Variants in FADS6 observed in about 807,000 individuals in gnomAD.
The protein encoded by FADS6 is fatty acid desaturase domain family, member 6.
FADS6 carries 28 observed loss-of-function variants against 31.7 expected under a neutral mutation model. The observed-to-expected ratio is 0.88, with a 90% CI of 0.66 to 1.21. The LOEUF is 1.21. FADS6 is among the 50% of genes most tolerant of loss of function. The pLI is 0.00. For missense variants in FADS6, 494 were observed against 504.2 expected, an observed-to-expected ratio of 0.98 and a Z score of 0.19; for synonymous variants, 191 against 213.1, an observed-to-expected ratio of 0.90 and a Z score of 0.90.
rs768301326 is a variant in FADS6 at position 74,882,505 on chromosome 17, C to T, written c.592+25G>A. ...GGAACTAGGTCCATGCAGGACACTG[C>T]GGACCGGGCTCTCATGGCACTCACC... On this transcript the variant is annotated intron_variant, in intron 3 of 5. Transcript: ENST00000612771. The T allele has an allele frequency of 6.3e-6, 10 of 1,591,230 alleles. No individual in the cohort carries two copies. The Admixed American group carries it at 6.9e-5, about 11-fold the overall frequency.
chr17:74,893,623 C>G lies in FADS6; in HGVS notation c.-28G>C. 1 of 1,294,030 alleles carries G rather than the reference C, an allele frequency of 7.7e-7. No homozygotes were observed. 80.2% of individuals were successfully genotyped at this position (1,294,030 alleles called of 1,614,324 possible). A position where few individuals can be genotyped will look rare whatever the true frequency, so the allele number is the denominator to read the frequency against. On this transcript the variant is annotated 5_prime_UTR_variant, in exon 1 of 6. Transcript: ENST00000612771. ...ACTCTGTGGGCTCGGGCCCGACGCG[C>G]ACGGAGGACTGGAGGACTGGGGCGT...
downstream of FADS6, among the ~76,000 whole-genome samples, chr17:74,874,989 A>G (rs1048650126): frequency 2.0e-5 from 3 of 152,098 alleles, no homozygotes; most frequent in African/African-American, 7.2e-5. Context: ...GAGGATGGGG[A>G]CCCAGTCTCA....
chr17:74,878,779 A>G (rs779162849), intron 5 of FADS6, among the ~76,000 whole-genome samples: 1 of 152,126 alleles, frequency 6.6e-6, no homozygotes, highest in Non-Finnish European at 1.5e-5. Context: ...AACATTTCAG[A>G]TATATTTCTC....
chr17:74,879,380 G>T (rs148361272), intron 5 of FADS6, 24 bp downstream of exon 5: 1 of 1,607,896 alleles, frequency 6.2e-7, no homozygotes, highest in East Asian at 2.2e-5. Context: ...TTATTCCAGC[G>T]CCCCCAGCCC....
chr17:74,877,956 TG>T lies in FADS6; in HGVS notation c.*374del. ...CTGACCCTGTTCTCTCTGTGCCCCC[TG>T]CTATCTCCCAGGTGGCCCCTGCACA... is the stretch of plus-strand genomic sequence containing the variant. On this transcript the variant is annotated 3_prime_UTR_variant, in exon 6 of 6. Transcript: ENST00000612771. 9.9e-7 allele frequency: 1 copy of T among 1,008,252 alleles called. No homozygotes were observed. Among genetic ancestry groups the T allele is most frequent in the Non-Finnish European group, 1.2e-6 (1 of 845,280 alleles). 62.5% of individuals were successfully genotyped at this position (1,008,252 alleles called of 1,614,324 possible).
rs992707630 is a variant in FADS6 at position 74,877,576 on chromosome 17, A to C, written c.*755T>G. On this transcript the variant is annotated 3_prime_UTR_variant, in exon 6 of 6. Coordinates refer to ENST00000612771, the MANE Select transcript of FADS6 (RefSeq NM_178128.6). ...TCTCGAGCTCCTGATCTCGCGATCCACCCGCCTTGGCCTCCCAAAGTGCTG... is the reference window on the plus strand; with the variant it reads ...TCTCGAGCTCCTGATCTCGCGATCCCCCCGCCTTGGCCTCCCAAAGTGCTG... 12 of 549,414 alleles carry C rather than the reference A, an allele frequency of 2.2e-5. No individual in the cohort carries two copies. The highest frequency in any genetic ancestry group is 2.8e-5 in the Non-Finnish European group (12 of 432,576). 34.0% of individuals were successfully genotyped at this position (549,414 alleles called of 1,614,324 possible). A position where few individuals can be genotyped will look rare whatever the true frequency, so the allele number is the denominator to read the frequency against.
rs111322037 is a variant in FADS6, at chr17:74,881,438, C to T, written c.593-183G>A. Among the ~76,000 whole-genome samples, 665 of 152,326 alleles carry T rather than the reference C, an allele frequency of 4.4e-3. 12 individuals are homozygous for T. The highest frequency in any genetic ancestry group is 5.8e-3 in the Non-Finnish European group (395 of 68,014). ...AGAGGCCAGGCTCGATGGCTCAAGCCTATAAACCCAGCACTTTGGGAGGCC... is the reference window on the plus strand; with the variant it reads ...AGAGGCCAGGCTCGATGGCTCAAGCTTATAAACCCAGCACTTTGGGAGGCC... On this transcript the variant is annotated intron_variant, in intron 3 of 5. Coordinates refer to ENST00000612771, the MANE Select transcript of FADS6 (RefSeq NM_178128.6).
chr17:74,880,937 G>T, intron 4 of FADS6, 131 bp downstream of exon 4: 1 of 944,170 alleles, frequency 1.1e-6, no homozygotes, highest in East Asian at 2.7e-5. Context: ...ACAGTGTGAT[G>T]AGAGCGAGAG....
At chr17:74,885,743 C>T (rs1379809588) in intron 2 of FADS6, among the ~76,000 whole-genome samples, 1 of 152,188 alleles carries the variant, frequency 6.6e-6, no homozygotes, top group African/African-American at 2.4e-5. Context: ...CCAACACCTT[C>T]GTCCCATCTT....
At chr17:74,888,126 C>CCA (rs1165268903) in intron 2 of FADS6, among the ~76,000 whole-genome samples, 12,093 of 127,928 alleles carry the variant, frequency 0.095, 669 homozygotes, top group Non-Finnish European at 0.13. Context: ...AGCTGAGACA[C>CCA]CACACACACA....
chr17:74,877,857 G>C lies in FADS6; in HGVS notation c.*474C>G. 1 of 987,240 alleles carries C rather than the reference G, an allele frequency of 1.0e-6. No homozygotes were observed. Among genetic ancestry groups the C allele is most frequent in the Non-Finnish European group, 1.2e-6 (1 of 831,256 alleles). The allele number at this position is 987,240 out of a possible 1,614,324, so 61.2% of individuals were successfully genotyped here. On this transcript the variant is annotated 3_prime_UTR_variant, in exon 6 of 6. Coordinates refer to ENST00000612771, the MANE Select transcript of FADS6 (RefSeq NM_178128.6). ...CCCCGGGGAGAGGGCACCTTGGTGGGCAGAGCCTGAAGGAAGCAATAGCCA... is the reference window on the plus strand; with the variant it reads ...CCCCGGGGAGAGGGCACCTTGGTGGCCAGAGCCTGAAGGAAGCAATAGCCA...
intron 5 of FADS6, 23 bp from the exon 6 acceptor site, chr17:74,878,500 G>C: frequency 6.2e-7 from 1 of 1,612,348 alleles, no homozygotes; most frequent in South Asian, 1.1e-5. Flanking sequence ...GGGCAGGAGA[G>C]GGCCTATGAG....
In FADS6 at chr17:74,878,318, C is replaced by G. The variant is rs568829745; in HGVS notation, c.*13G>C. 5.6e-6 allele frequency: 9 copies of G among 1,608,286 alleles called. No homozygotes were observed. In the South Asian group the frequency reaches 1.0e-4, roughly 18 times the overall value. On this transcript the variant is annotated 3_prime_UTR_variant, in exon 6 of 6. Transcript: ENST00000612771. ...CCAGGGAGGGGCAGGGTGGCTGCAC[C>G]GGCCCGGCCTCATTACAGCCCCACA...
chr17:74,878,504 C>T lies in FADS6; in HGVS notation c.961-27G>A, dbSNP rs780879872. 1.1e-5 allele frequency: 17 copies of T among 1,611,530 alleles called. No individual in the cohort carries two copies. The Admixed American group carries it at 1.5e-4, about 14-fold the overall frequency. ...TGGTGGAAGATGGGCAGGAGAGGGC[C>T]TATGAGCAGGGGCTGTGGGCAGGCC... On this transcript the variant is annotated intron_variant, in intron 5 of 5. Coordinates refer to ENST00000612771, the MANE Select transcript of FADS6 (RefSeq NM_178128.6).
At chr17:74,884,848 T>C (rs1214142837) in intron 2 of FADS6, among the ~76,000 whole-genome samples, 1 of 152,038 alleles carries the variant, frequency 6.6e-6, no homozygotes, top group African/African-American at 2.4e-5. Flanking sequence ...GCTGGGATTA[T>C]AGTCACACGC....
Position 74,893,517 on chromosome 17 carries a change from G to GTTCCATGGGCTCCGTAGT in FADS6, c.78_79insACTACGGAGCCCATGGAA (p.Glu26_Pro27insThrThrGluProMetGlu). The GTTCCATGGGCTCCGTAGT allele has an allele frequency of 1.3e-6, 2 of 1,578,398 alleles. No homozygotes were observed. Among genetic ancestry groups the GTTCCATGGGCTCCGTAGT allele is most frequent in the South Asian group, 2.3e-5 (2 of 86,698 alleles). On this transcript the variant is annotated inframe_insertion, in exon 1 of 6. Coordinates refer to ENST00000612771, the MANE Select transcript of FADS6 (RefSeq NM_178128.6). ...CGCGCCGGTTCCATGGGCTCCGTAG[G>GTTCCATGGGCTCCGTAGT]TTCCATGGGCTCCGTAGGTTCCATG...
intron 5 of FADS6, chr17:74,878,931 G>A (rs1221761316): frequency 5.1e-6 from 1 of 198,012 alleles, no homozygotes; most frequent in Non-Finnish European, 1.0e-5. Flanking sequence ...TAAAACCCAT[G>A]CTGCTGTGGA....
rs2038527709 is a variant in FADS6, at chr17:74,878,275, A to T, written c.*56T>A. ...CCACACCCCCTGGACCAGCAGCAGC[A>T]GGAGGGCCAGGGCCAGGCCAGGGAG... is the stretch of plus-strand genomic sequence containing the variant. On this transcript the variant is annotated 3_prime_UTR_variant, in exon 6 of 6. Coordinates refer to ENST00000612771, the MANE Select transcript of FADS6 (RefSeq NM_178128.6). The T allele has an allele frequency of 6.4e-6, 10 of 1,552,830 alleles. No individual in the cohort carries two copies. The highest frequency in any genetic ancestry group is 7.0e-6 in the Non-Finnish European group (8 of 1,149,006).
intron 3 of FADS6, among the ~76,000 whole-genome samples, chr17:74,882,029 G>A (rs924987490): frequency 6.0e-5 from 9 of 150,812 alleles, no homozygotes; most frequent in Admixed American, 2.6e-4. Context: ...TCCGCCTCCT[G>A]GGTTCAAGTG....
Sources: gnomAD v4.1 joint callset for allele counts (sites outside exome capture counted in the v4.1 genomes callset) on GRCh38, gnomAD v4.1.1 for gene constraint, MANE v1.5 for transcripts, NCBI Gene and HGNC (gene_info 2026-07-23, HGNC 2026-07-21) for gene names.